NRG1: variants seen among roughly 807,000 people sequenced by gnomAD.
NRG1 encodes the protein pro-neuregulin-1, membrane-bound isoform.
Under a neutral mutation model 63.8 loss-of-function variants are expected in NRG1, and 18 were observed. The observed-to-expected ratio is 0.28, with a 90% confidence interval of 0.19 to 0.42. NRG1 has a LOEUF of 0.42. NRG1 is among the 10% of genes least tolerant of loss of function. The pLI is 1.00. For synonymous variants in NRG1, 302 were observed against 301.3 expected (o/e 1.00, Z -0.02); for missense variants, 762 against 814.7 (o/e 0.94, Z 0.79).
chr8:32,530,232 C>T (rs890307106), intron 1 of NRG1, among the ~76,000 whole-genome samples: 3 of 152,018 alleles, frequency 2.0e-5, no homozygotes, highest in East Asian at 1.9e-4. Flanking sequence ...CTCAGCCTCC[C>T]GAGTAGCTGG....
chr8:32,540,272 A>G (rs938625597), intron 1 of NRG1, among the ~76,000 whole-genome samples: 1 of 152,136 alleles, frequency 6.6e-6, no homozygotes, highest in African/African-American at 2.4e-5. Flanking sequence ...GAGAAAATAT[A>G]TATTAAATTC....
chr8:32,742,189 T>A lies in NRG1; in HGVS notation c.633-486T>A. 2.3e-6 allele frequency: 2 copies of A among 872,626 alleles called. No individual in the cohort carries two copies. The highest frequency in any genetic ancestry group is 3.7e-6 in the Non-Finnish European group (2 of 535,864). The allele number at this position is 872,626 out of a possible 1,614,324, so 54.1% of individuals were successfully genotyped here. ...GATTCATTTTGTTCTAATTATGGCT[T>A]AACCTCTCAAGGCATAAACCCATTC... On this transcript the variant is annotated intron_variant, in intron 6 of 11. Coordinates refer to ENST00000356819, the Ensembl canonical transcript of NRG1. The surrounding 1 kb of genome is among the most constrained non-coding windows in gnomAD (Gnocchi z 4.2).
chr8:32,592,679 G>A lies in NRG1; in HGVS notation c.101-3149G>A, dbSNP rs182837793. Among the ~76,000 whole-genome samples, 500 of 152,214 alleles carry A rather than the reference G, an allele frequency of 3.3e-3. 2 individuals carry two copies. Among genetic ancestry groups the A allele is most frequent in the African/African-American group, 0.012 (485 of 41,538 alleles). On this transcript the variant is annotated intron_variant, in intron 1 of 11. Transcript: ENST00000356819. The stretch of plus-strand genomic sequence containing the variant: ...ATTTTATGATAAAATGTTTATCAAA[G>A]GGGAAGAAAACAAAGTCTCCATAGA...
chr8:32,342,295 C>T (rs751950312), intron 1 of NRG1, among the ~76,000 whole-genome samples: 5 of 152,152 alleles, frequency 3.3e-5, no homozygotes, highest in Non-Finnish European at 7.4e-5. Context: ...GACATGATAT[C>T]TTGTTTCCCA....
chr8:32,114,485 G>C (rs146556533), intron 1 of NRG1, among the ~76,000 whole-genome samples: 1 of 152,148 alleles, frequency 6.6e-6, no homozygotes, highest in East Asian at 1.9e-4. Flanking sequence ...CAGCCTTTCA[G>C]CACCTGCTGA....
intron 1 of NRG1, among the ~76,000 whole-genome samples, chr8:32,376,075 T>C (rs1308937018): frequency 2.0e-5 from 3 of 152,234 alleles, no homozygotes; most frequent in African/African-American, 7.2e-5. Flanking sequence ...AATATCTTAT[T>C]TCTTTTCAAA....
chr8:32,165,646 A>C (rs1024409971), intron 1 of NRG1, among the ~76,000 whole-genome samples: 3 of 152,146 alleles, frequency 2.0e-5, no homozygotes, highest in Non-Finnish European at 4.4e-5. Flanking sequence ...CAAAGGTTTA[A>C]TGTGTAATTC....
chr8:32,548,286 A>G, exon 1 of NRG1: 1 of 987,686 alleles, frequency 1.0e-6, no homozygotes, highest in Non-Finnish European at 1.2e-6. Flanking sequence ...GGGCAATTGA[A>G]AAAGAGCCGG....
intron 1 of NRG1, among the ~76,000 whole-genome samples, chr8:32,303,778 G>T (rs1563292048): frequency 6.6e-6 from 1 of 152,096 alleles, no homozygotes; most frequent in Non-Finnish European, 1.5e-5. Flanking sequence ...TCTAGCATTT[G>T]TCTAATATTA....
intron 1 of NRG1, among the ~76,000 whole-genome samples, chr8:32,399,233 A>G (rs1407477712): frequency 2.6e-5 from 4 of 152,246 alleles, no homozygotes; most frequent in African/African-American, 9.6e-5. Context: ...GGAAATATAA[A>G]AGAGTCTCAA....
intron 1 of NRG1, among the ~76,000 whole-genome samples, chr8:32,556,404 C>T (rs1835181410): frequency 6.6e-6 from 1 of 152,128 alleles, no homozygotes; most frequent in African/African-American, 2.4e-5. Context: ...AGCATTTTCC[C>T]TTGGTGAGAA....
downstream of NRG1, among the ~76,000 whole-genome samples, chr8:32,772,059 A>G (rs1360947708): frequency 0.02 from 98 of 4,884 alleles, 12 homozygotes; most frequent in African/African-American, 0.048. Context: ...ATATATATAT[A>G]TATATATATA....
intron 1 of NRG1, among the ~76,000 whole-genome samples, chr8:31,827,671 C>T (rs1251652227): frequency 6.6e-6 from 1 of 152,184 alleles, no homozygotes; most frequent in African/African-American, 2.4e-5. Context: ...GCAAATTTTA[C>T]TCAAAAAGAA....
At chr8:32,433,154 G>A (rs1818365538) in intron 1 of NRG1, among the ~76,000 whole-genome samples, 1 of 152,120 alleles carries the variant, frequency 6.6e-6, no homozygotes, top group South Asian at 2.1e-4. Flanking sequence ...AGGACATACT[G>A]GGGCCCTGTT....
chr8:32,480,986 A>G (rs887541446), intron 1 of NRG1, among the ~76,000 whole-genome samples: 8 of 152,214 alleles, frequency 5.3e-5, no homozygotes, highest in Non-Finnish European at 1.0e-4. Context: ...ACATTAAAAT[A>G]TGCATCACAT....
chr8:31,870,666 CTTCAT>C (rs1231580029), intron 1 of NRG1, among the ~76,000 whole-genome samples: 3 of 152,108 alleles, frequency 2.0e-5, no homozygotes, highest in African/African-American at 7.2e-5. Flanking sequence ...TTTTCTTTTA[CTTCAT>C]TTCCTAAAGG....
chr8:31,686,368 G>GA (rs938833433), intron 1 of NRG1, among the ~76,000 whole-genome samples: 17 of 151,726 alleles, frequency 1.1e-4, no homozygotes, highest in African/African-American at 3.6e-4. Context: ...TAAGCATTTA[G>GA]AAAAAAAATG....
chr8:31,670,734 T>C (rs2130995475), intron 1 of NRG1, among the ~76,000 whole-genome samples: 1 of 152,298 alleles, frequency 6.6e-6, no homozygotes. Flanking sequence ...TGGTGGGCAG[T>C]GTCATGAAAA....
intron 1 of NRG1, among the ~76,000 whole-genome samples, chr8:31,763,163 A>T (rs1817721282): frequency 6.6e-6 from 1 of 152,234 alleles, no homozygotes; most frequent in Non-Finnish European, 1.5e-5. Context: ...AATAGAAGAG[A>T]TATTTCTCAT....
Sources: gnomAD v4.1 joint callset for allele counts (sites outside exome capture counted in the v4.1 genomes callset) on GRCh38, gnomAD v4.1.1 for gene constraint, Gnocchi (gnomAD v3.1) non-coding constraint, MANE v1.5 for transcripts, NCBI Gene and HGNC (gene_info 2026-07-23, HGNC 2026-07-21) for gene names.